The following RBFOX1 variants were observed in gnomAD, a reference collection of about 807,000 sequenced individuals.
RBFOX1 encodes the protein RNA binding protein fox-1 homolog 1.
Under a neutral mutation model 57.7 loss-of-function variants are expected in RBFOX1, and 8 were observed. The ratio of observed to expected loss-of-function variants is 0.14; its 90% CI spans 0.08 to 0.25. The LOEUF (loss-of-function observed/expected upper bound fraction) is 0.25. Ranked by LOEUF, RBFOX1 falls within the 10% of genes least tolerant of loss-of-function variation. The pLI is 1.00. For missense variants in RBFOX1, 611 were observed against 548.5 expected (o/e 1.11, Z -1.14); for synonymous variants, 326 against 222.4 (o/e 1.47, Z -4.15).
At chr16:7,552,487 C>T (rs1817186445) in intron 5 of RBFOX1, among the ~76,000 whole-genome samples, 1 of 152,058 alleles carries the variant, frequency 6.6e-6, no homozygotes, top group Non-Finnish European at 1.5e-5. Context: ...AATGGAACGG[C>T]CTGAATGACC....
intron 1 of RBFOX1, among the ~76,000 whole-genome samples, chr16:5,364,139 G>A (rs2065638133): frequency 6.6e-6 from 1 of 152,242 alleles, no homozygotes; most frequent in Non-Finnish European, 1.5e-5. Context: ...AAACAAAAAA[G>A]TCAGTGTACA....
chr16:7,449,685 T>C (rs2098835824), intron 4 of RBFOX1, among the ~76,000 whole-genome samples: 1 of 139,508 alleles, frequency 7.2e-6, no homozygotes, highest in Admixed American at 7.5e-5. Flanking sequence ...GTCAGTTGGA[T>C]AATTTTAGCT....
intron 3 of RBFOX1, among the ~76,000 whole-genome samples, chr16:6,856,617 G>C (rs1379782893): frequency 1.3e-5 from 2 of 152,144 alleles, no homozygotes; most frequent in East Asian, 1.9e-4. Context: ...TTAAAGATGA[G>C]AAGACAGTGA....
intron 4 of RBFOX1, among the ~76,000 whole-genome samples, chr16:5,919,203 A>G (rs72770914): frequency 6.6e-6 from 1 of 152,208 alleles, no homozygotes; most frequent in East Asian, 1.9e-4. Context: ...CAGGCTGACC[A>G]TATATCCCTG....
At chr16:6,959,808 G>C (rs2082591804) in intron 3 of RBFOX1, among the ~76,000 whole-genome samples, 2 of 152,074 alleles carry the variant, frequency 1.3e-5, no homozygotes. Flanking sequence ...GTGTTGGCAG[G>C]CACCTGTAAT....
At chr16:6,549,866 G>C (rs1028019588) in intron 2 of RBFOX1, among the ~76,000 whole-genome samples, 1 of 152,138 alleles carries the variant, frequency 6.6e-6, no homozygotes, top group African/African-American at 2.4e-5. Flanking sequence ...CACAGTAGTA[G>C]AGAGACCTTC....
Position 6,577,896 on chromosome 16 carries a change from C to G in RBFOX1, c.-63-76707C>G, listed in dbSNP as rs1366556186. On this transcript the variant is annotated intron_variant, in intron 2 of 15. Coordinates refer to ENST00000550418, the MANE Select transcript of RBFOX1 (RefSeq NM_018723.4). ...TTATTTATTAAACAAACGAGGCAAT[C>G]ATTTTTTACTGCAATGTCATACAAA... Among the ~76,000 whole-genome samples the G allele has an allele frequency of 2.6e-5, 4 of 152,310 alleles. No homozygotes were observed. The East Asian group carries it at 7.7e-4, about 29-fold the overall frequency.
chr16:6,248,399 G>A (rs910952815), intron 1 of RBFOX1, among the ~76,000 whole-genome samples: 1 of 152,172 alleles, frequency 6.6e-6, no homozygotes, highest in Non-Finnish European at 1.5e-5. Context: ...TTTGGACAGT[G>A]TTGTGGGCTG....
intron 1 of RBFOX1, among the ~76,000 whole-genome samples, chr16:6,163,814 C>G (rs2096896541): frequency 6.6e-6 from 1 of 152,034 alleles, no homozygotes; most frequent in Admixed American, 6.6e-5. Context: ...TTTGCCCAAT[C>G]TTAATTAAAT....
rs759289394 is a variant in RBFOX1 at position 6,716,774 on chromosome 16, T to C, written c.-16+62124T>C. ...TTGTGTTGGGAAGGGATTTTTTTTT[T>C]CCCTGGGGTTGTGAAAGTAACAGGA... On this transcript the variant is annotated intron_variant, in intron 3 of 15. Coordinates refer to ENST00000550418, the MANE Select transcript of RBFOX1 (RefSeq NM_018723.4). Among the ~76,000 whole-genome samples, 6 of 152,120 alleles carry C rather than the reference T, an allele frequency of 3.9e-5. No individual in the cohort carries two copies. The East Asian group carries it at 5.8e-4, about 15-fold the overall frequency.
intron 2 of RBFOX1, among the ~76,000 whole-genome samples, chr16:5,591,438 A>T (rs1014644471): frequency 1.3e-5 from 2 of 152,050 alleles, no homozygotes; most frequent in Non-Finnish European, 2.9e-5. Flanking sequence ...TTTAGTAGAG[A>T]TGGGGTTTCA....
intron 1 of RBFOX1, among the ~76,000 whole-genome samples, chr16:6,218,490 A>G (rs2097350761): frequency 6.6e-6 from 1 of 152,000 alleles, no homozygotes; most frequent in South Asian, 2.1e-4. Flanking sequence ...TGTGTATTTT[A>G]GTAGAGATGG....
At chr16:5,350,368 G>A (rs1327177819) in intron 1 of RBFOX1, among the ~76,000 whole-genome samples, 1 of 152,182 alleles carries the variant, frequency 6.6e-6, no homozygotes, top group African/African-American at 2.4e-5. Context: ...GGAAACGGCT[G>A]TTGGCTCTGG....
chr16:7,053,457 C>A (rs923793811), intron 4 of RBFOX1, among the ~76,000 whole-genome samples: 1 of 152,104 alleles, frequency 6.6e-6, no homozygotes, highest in Admixed American at 6.6e-5. Context: ...CTTTAGATTT[C>A]TCTTGCTGTT....
At chr16:7,218,880 G>A (rs1195715535) in intron 4 of RBFOX1, among the ~76,000 whole-genome samples, 1 of 152,066 alleles carries the variant, frequency 6.6e-6, no homozygotes, top group Non-Finnish European at 1.5e-5. Context: ...CAGCCTCGAT[G>A]CATCGCATGC....
chr16:5,921,390 T>A (rs2058818081), intron 4 of RBFOX1, among the ~76,000 whole-genome samples: 1 of 152,098 alleles, frequency 6.6e-6, no homozygotes, highest in Non-Finnish European at 1.5e-5. Context: ...TGGAATCTGA[T>A]GAAAGTTAGG....
In RBFOX1 at chr16:6,875,981, C is replaced by G. The variant is rs188220845; in HGVS notation, c.-15-176076C>G. 2.6e-5 allele frequency among the ~76,000 whole-genome samples: 4 copies of G among 151,662 alleles called. No homozygotes were observed. In the East Asian group the frequency reaches 7.8e-4, roughly 30 times the overall value. The stretch of plus-strand genomic sequence containing the variant: ...TCACTGCACTTCAGCCTGGGCAACA[C>G]AGTGGAACTTGTCTCAAAAAATAAT... On this transcript the variant is annotated intron_variant, in intron 3 of 15. Transcript: ENST00000550418.
intron 4 of RBFOX1, among the ~76,000 whole-genome samples, chr16:7,453,316 TAGTG>T (rs931293845): frequency 2.0e-5 from 3 of 151,636 alleles, no homozygotes; most frequent in African/African-American, 7.3e-5. Flanking sequence ...GGAAGGACAT[TAGTG>T]AGTATGAGGA....
intron 4 of RBFOX1, among the ~76,000 whole-genome samples, chr16:7,186,534 ATAAACATATTTATATAAATATAAGCT>A (rs879934312): frequency 0.27 from 34,070 of 128,106 alleles, 6,604 homozygotes; most frequent in Non-Finnish European, 0.34. Flanking sequence ...AAATATAAGC[ATAAACATATTTATATAAATATAAGCT>A]TAAACATATT....
Sources: allele counts gnomAD v4.1 joint callset (sites outside exome capture counted in the v4.1 genomes callset), GRCh38; gene constraint gnomAD v4.1.1; transcripts MANE v1.5; gene names NCBI Gene and HGNC (gene_info 2026-07-23, HGNC 2026-07-21).